Variants in ASB9 observed in about 807,000 individuals in gnomAD.
ASB9 encodes ankyrin repeat and SOCS box protein 9.
A neutral mutation model predicts 16.6 loss-of-function variants in ASB9; 5 were observed. The observed-to-expected ratio is 0.30, with a 90% CI of 0.16 to 0.63. The LOEUF (loss-of-function observed/expected upper bound fraction) is 0.63, where lower values mean the gene tolerates loss of function less well. ASB9 is among the 30% of genes least tolerant of loss of function. The pLI is 0.82. For synonymous variants in ASB9, 100 were observed against 86.4 expected (o/e 1.16, Z -0.87); for missense variants, 216 against 229.4 (o/e 0.94, Z 0.38).
intron 1 of ASB9, among the ~76,000 whole-genome samples, chrX:15,259,486 T>A (rs187057935): frequency 5.3e-5 from 6 of 113,016 alleles, no homozygotes; most frequent in African/African-American, 1.9e-4. Flanking sequence ...AAATCAGTGT[T>A]CAGTCTCACC....
At chrX:15,249,009 G>A in intron 5 of ASB9, 74 bp from the exon 6 acceptor site, 3 of 1,023,981 alleles carry the variant, frequency 2.9e-6, no homozygotes, top group Non-Finnish European at 3.8e-6. Context: ...AAAGCCCCGA[G>A]CCCCAAAATT....
intron 1 of ASB9, among the ~76,000 whole-genome samples, chrX:15,266,647 C>T (rs1005950276): frequency 9.0e-6 from 1 of 111,569 alleles, no homozygotes; most frequent in Non-Finnish European, 1.9e-5. Context: ...GTATTAGGAA[C>T]TTTAGAAATC....
At chrX:15,255,969 C>T (rs1174363041) in intron 2 of ASB9, among the ~76,000 whole-genome samples, 1 of 110,755 alleles carries the variant, frequency 9.0e-6, no homozygotes, top group Non-Finnish European at 1.9e-5. Flanking sequence ...TCAAAAAAAC[C>T]CTCCTTTTCC....
chrX:15,267,401 C>T (rs1338427424), intron 1 of ASB9, among the ~76,000 whole-genome samples: 1 of 78,539 alleles, frequency 1.3e-5, no homozygotes, highest in East Asian at 4.3e-4. Context: ...CAGAGCGAGA[C>T]TCCATCTAAA....
chrX:15,268,492 C>G (rs958069654), intron 1 of ASB9, among the ~76,000 whole-genome samples: 12 of 96,608 alleles, frequency 1.2e-4, no homozygotes, highest in African/African-American at 4.5e-4. Flanking sequence ...GTGGCGAGAT[C>G]TAGGTGCACT....
chrX:15,247,276 C>T (rs754911044), intron 6 of ASB9, among the ~76,000 whole-genome samples: 1 of 112,069 alleles, frequency 8.9e-6, no homozygotes, highest in South Asian at 3.8e-4. Flanking sequence ...TTCTCTCCAG[C>T]AGCAAATGAC....
At chrX:15,255,121 A>G (rs753879924) in intron 2 of ASB9, among the ~76,000 whole-genome samples, 25 of 111,921 alleles carry the variant, frequency 2.2e-4, no homozygotes, top group African/African-American at 8.1e-4. Context: ...GTATATATAC[A>G]TCTAGATAAA....
intron 6 of ASB9, among the ~76,000 whole-genome samples, chrX:15,244,940 A>G (rs958102758): frequency 8.9e-6 from 1 of 112,201 alleles, no homozygotes; most frequent in African/African-American, 3.2e-5. Context: ...AAAAATTCCA[A>G]TAATACAAAT....
intron 3 of ASB9, among the ~76,000 whole-genome samples, chrX:15,253,892 A>T (rs1925333154): frequency 8.9e-6 from 1 of 111,841 alleles, no homozygotes; most frequent in Non-Finnish European, 1.9e-5. Flanking sequence ...CCAGAGTGAG[A>T]CATAAAAGTT....
rs781778987 is a variant in ASB9 at position 15,250,791 on chromosome X, G to A, written c.434-227C>T. On this transcript the variant is annotated intron_variant, in intron 4 of 6. Transcript: ENST00000380488. Reference sequence around the variant, plus strand: ...GGCTGGAGTGCAGTGGCGCAATCTCGGCTTACTGCAAGCTCCGCCTCCTGG... The same window carrying A: ...GGCTGGAGTGCAGTGGCGCAATCTCAGCTTACTGCAAGCTCCGCCTCCTGG... 2.7e-5 allele frequency among the ~76,000 whole-genome samples: 3 copies of A among 111,703 alleles called. No homozygotes were observed. In the Admixed American group the frequency reaches 2.9e-4, roughly 11 times the overall value.
At chrX:15,267,846 T>C (rs925558979) in intron 1 of ASB9, among the ~76,000 whole-genome samples, 7 of 110,044 alleles carry the variant, frequency 6.4e-5, no homozygotes, top group African/African-American at 2.3e-4. Flanking sequence ...TCAATACATC[T>C]GCTGATTAAT....
At chrX:15,264,460 T>C (rs1367313054) in intron 1 of ASB9, among the ~76,000 whole-genome samples, 1 of 111,881 alleles carries the variant, frequency 8.9e-6, no homozygotes, top group Admixed American at 9.6e-5. Context: ...CCCTGCTCCT[T>C]GGACAGGAGA....
At chrX:15,257,870 G>A (rs762951865) in intron 2 of ASB9, among the ~76,000 whole-genome samples, 35 of 112,078 alleles carry the variant, frequency 3.1e-4, no homozygotes, top group African/African-American at 1.0e-3. Context: ...TGAACAGATT[G>A]GAAGTATTCT....
chrX:15,269,170 C>G (rs1926790260), intron 1 of ASB9, among the ~76,000 whole-genome samples: 1 of 111,834 alleles, frequency 8.9e-6, no homozygotes, highest in Non-Finnish European at 1.9e-5. Context: ...AACCTGTGTG[C>G]AAATGCCTAA....
rs201463304 is a variant in ASB9 at position 15,252,228 on chromosome X, G to GA, written c.433+25dup. 3,858 of 1,158,283 alleles carry GA rather than the reference G, an allele frequency of 3.3e-3. 68 individuals are homozygous for GA. In the African/African-American group the frequency reaches 0.05, roughly 15 times the overall value. On this transcript the variant is annotated intron_variant, in intron 4 of 6. Transcript: ENST00000380488. ...AAGATGTCCCTTGAAGGAGTGGGTA[G>GA]AAAAAAAAATTCTCAACAGATTTAC... is the stretch of plus-strand genomic sequence containing the variant.
intron 1 of ASB9, among the ~76,000 whole-genome samples, chrX:15,266,809 G>A (rs1175876070): frequency 3.7e-5 from 4 of 109,358 alleles, no homozygotes; most frequent in African/African-American, 1.0e-4. Context: ...GGTGGCGGGC[G>A]CCTGTAGTCC....
intron 5 of ASB9, 74 bp downstream of exon 5, chrX:15,250,356 G>A: frequency 1.8e-6 from 2 of 1,094,186 alleles, no homozygotes; most frequent in Middle Eastern, 2.8e-4. Context: ...CTCTCCTACA[G>A]CAGTAAGATG....
intron 6 of ASB9, among the ~76,000 whole-genome samples, chrX:15,248,444 G>GT (rs967708505): frequency 1.8e-5 from 2 of 111,727 alleles, no homozygotes; most frequent in Non-Finnish European, 3.8e-5. Context: ...TTAAATAAAT[G>GT]TAATACTAAA....
intron 3 of ASB9, among the ~76,000 whole-genome samples, chrX:15,253,729 A>G: frequency 8.9e-6 from 1 of 112,675 alleles, no homozygotes; most frequent in Non-Finnish European, 1.9e-5. Flanking sequence ...CTAACTTCAC[A>G]GTGTTTGGGC....
Sources: allele counts gnomAD v4.1 joint callset (sites outside exome capture counted in the v4.1 genomes callset), GRCh38; gene constraint gnomAD v4.1.1; transcripts MANE v1.5; gene names NCBI Gene and HGNC (gene_info 2026-07-23, HGNC 2026-07-21).